Variants in CFAP251 observed in about 807,000 individuals in gnomAD.
CFAP251 encodes cilia- and flagella-associated protein 251.
In CFAP251, 93 loss-of-function variants were observed where a neutral mutation model predicts 126.7. That is an observed-to-expected ratio of 0.73 (90% CI 0.62 to 0.87). The LOEUF (loss-of-function observed/expected upper bound fraction) is 0.87. CFAP251 is among the 40% of genes least tolerant of loss of function. CFAP251 has a pLI of 0.00. For synonymous variants in CFAP251, 503 were observed against 506.9 expected, an observed-to-expected ratio of 0.99 and a Z score of 0.10; for missense variants, 1,287 against 1,389.2, an observed-to-expected ratio of 0.93 and a Z score of 1.17.
intron 6 of CFAP251, 95 bp from the exon 7 acceptor site, chr12:121,942,800 G>A (rs1881175510): frequency 7.1e-7 from 1 of 1,408,550 alleles, no homozygotes; most frequent in Non-Finnish European, 1.0e-6. Flanking sequence ...TCTGTCCTTA[G>A]TTACTTGAAG....
chr12:121,921,789 T>G, intron 2 of CFAP251, 106 bp downstream of exon 2: 1 of 1,002,204 alleles, frequency 1.0e-6, no homozygotes, highest in South Asian at 2.0e-5. Flanking sequence ...GTACAATCCA[T>G]TCCTTTTTTT....
chr12:121,961,947 C>A (rs1881952334), intron 14 of CFAP251, 31 bp from the exon 15 acceptor site: 1 of 1,603,224 alleles, frequency 6.2e-7, no homozygotes, highest in Admixed American at 1.7e-5. Flanking sequence ...TGGCTTGGTC[C>A]TCATGTGTGT....
intron 19 of CFAP251, among the ~76,000 whole-genome samples, chr12:121,983,741 A>T (rs1264399071): frequency 2.4e-5 from 3 of 124,246 alleles, no homozygotes; most frequent in Non-Finnish European, 4.7e-5. Flanking sequence ...TATCTACTTT[A>T]AAAAAAAAAA....
At chr12:121,998,986 C>T (rs908541297) in intron 19 of CFAP251, 2 of 149,184 alleles carry the variant, frequency 1.3e-5, no homozygotes, top group African/African-American at 5.0e-5. Context: ...GCATTTAGTC[C>T]TTCATCATTA....
intron 19 of CFAP251, among the ~76,000 whole-genome samples, chr12:121,985,224 A>C (rs557460030): frequency 6.6e-6 from 1 of 152,136 alleles, no homozygotes; most frequent in Non-Finnish European, 1.5e-5. Flanking sequence ...CTTTTGACTC[A>C]ACAAATGTAC....
chr12:121,955,197 G>A (rs11043269), intron 10 of CFAP251, among the ~76,000 whole-genome samples: 30,840 of 152,004 alleles, frequency 0.2, 6,688 homozygotes, highest in African/African-American at 0.54. Flanking sequence ...GGGAAGCTGA[G>A]GCATGAGAAT....
At chr12:121,959,948 AC>A (rs767975534) in intron 13 of CFAP251, among the ~76,000 whole-genome samples, 44 of 136,662 alleles carry the variant, frequency 3.2e-4, no homozygotes, top group African/African-American at 1.0e-3. Flanking sequence ...ACATGGTGAG[AC>A]ACCCCCCATC....
intron 1 of CFAP251, among the ~76,000 whole-genome samples, chr12:121,920,398 ATTT>A (rs35621554): frequency 2.1e-5 from 2 of 96,336 alleles, no homozygotes; most frequent in Admixed American, 1.1e-4. Context: ...GGCTTTTTGT[ATTT>A]TTTTTTTTTT....
In CFAP251 at chr12:121,959,030, A is replaced by G. The variant is rs764636078; in HGVS notation, c.2069A>G (p.Lys690Arg). ...GAAAATGAAAGCCCAGAGCCTTTCA[A>G]ATATTCCAGAACCAGTGTGACTCAT... Reference protein sequence around the residue: ...SLENESPEPFKYSRTSVTHIS... With the variant: ...SLENESPEPFRYSRTSVTHIS... The change falls in exon 13 of 22, where the codon AAA becomes AGA. Residue 690 changes from lysine to arginine, a missense_variant. Coordinates refer to ENST00000288912, the MANE Select transcript of CFAP251 (RefSeq NM_144668.6). 1 of 1,613,448 alleles carries G rather than the reference A, an allele frequency of 6.2e-7. No individual in the cohort carries two copies. The highest frequency in any genetic ancestry group is 8.5e-7 in the Non-Finnish European group (1 of 1,179,816).
chr12:121,923,552 G>A, intron 2 of CFAP251, 70 bp from the exon 3 acceptor site: 1 of 1,519,408 alleles, frequency 6.6e-7, no homozygotes, highest in Non-Finnish European at 8.8e-7. Flanking sequence ...GGCTGACTGG[G>A]AATAGAAAAG....
intron 4 of CFAP251, 148 bp from the exon 5 acceptor site, chr12:121,934,099 C>G: frequency 3.4e-6 from 2 of 589,432 alleles, no homozygotes; most frequent in Admixed American, 6.3e-5. Context: ...GGAGAAACAC[C>G]CAGGAAGGCC....
chr12:121,922,882 T>C (rs917883506), intron 2 of CFAP251, among the ~76,000 whole-genome samples: 1 of 152,068 alleles, frequency 6.6e-6, no homozygotes, highest in Non-Finnish European at 1.5e-5. Flanking sequence ...CTCCGCCTCC[T>C]GGGTTCATGC....
At chr12:121,946,702 A>T (rs1375227332) in intron 7 of CFAP251, among the ~76,000 whole-genome samples, 1 of 150,732 alleles carries the variant, frequency 6.6e-6, no homozygotes, top group Non-Finnish European at 1.5e-5. Context: ...GGCTCAAGTG[A>T]TTTTCCCACC....
At chr12:122,003,341 G>A (rs1456137878) in intron 21 of CFAP251, among the ~76,000 whole-genome samples, 1 of 152,196 alleles carries the variant, frequency 6.6e-6, no homozygotes. Flanking sequence ...GGAGTCTGAG[G>A]TGGGAGGATC....
rs1459415523 is a variant in CFAP251 at position 121,954,100 on chromosome 12, T to C, written c.1321-20T>C. The C allele has an allele frequency of 3.1e-6, 5 of 1,602,180 alleles. No homozygotes were observed. Among genetic ancestry groups the C allele is most frequent in the Non-Finnish European group, 3.4e-6 (4 of 1,170,184 alleles). ...TTATATTTATTACCAACAGTAACTA[T>C]AACCTTTCTTTTGAAACAGACCTTC... On this transcript the variant is annotated intron_variant, in intron 9 of 21. Coordinates refer to ENST00000288912, the MANE Select transcript of CFAP251 (RefSeq NM_144668.6).
At chr12:121,984,549 G>A (rs1248000913) in intron 19 of CFAP251, among the ~76,000 whole-genome samples, 3 of 152,082 alleles carry the variant, frequency 2.0e-5, no homozygotes, top group African/African-American at 4.8e-5. Context: ...CTCCTGATCC[G>A]CCTGCCTTGG....
chr12:121,979,516 G>A (rs1882562542), intron 19 of CFAP251, among the ~76,000 whole-genome samples: 1 of 148,880 alleles, frequency 6.7e-6, no homozygotes, highest in Admixed American at 6.7e-5. Flanking sequence ...TTGAAGAGAG[G>A]GAGGGGCTCA....
rs368506986 is a variant in CFAP251, at chr12:122,001,556, C to A, written c.3295C>A (p.Pro1099Thr). The A allele has an allele frequency of 2.9e-5, 46 of 1,613,970 alleles. No individual in the cohort carries two copies. In the African/African-American group the frequency reaches 5.9e-4, roughly 21 times the overall value. ...DCFASLFGLNPEGWKSEPATC... is the reference protein window; with the variant it reads ...DCFASLFGLNTEGWKSEPATC... ...CTTTGCTTCACTGTTTGGCCTGAAT[C>A]CCGAGGGATGGAAATCCGAGCCTGC... The change falls in exon 21 of 22, where the codon CCC (proline) becomes ACC (threonine). Residue 1099 changes from proline (P) to threonine (T), a missense_variant. Physicochemically the swap from Pro to Thr is conservative, Grantham distance 38 (BLOSUM62 -1). Coordinates refer to ENST00000288912, the MANE Select transcript of CFAP251 (RefSeq NM_144668.6).
chr12:121,990,953 A>G (rs1414252241), intron 19 of CFAP251, among the ~76,000 whole-genome samples: 1 of 152,220 alleles, frequency 6.6e-6, no homozygotes, highest in Non-Finnish European at 1.5e-5. Flanking sequence ...GACCCCAGTG[A>G]CTAAGATTGA....
Sources: gnomAD v4.1 joint callset for allele counts (sites outside exome capture counted in the v4.1 genomes callset) on GRCh38, gnomAD v4.1.1 for gene constraint, MANE v1.5 for transcripts, NCBI Gene and HGNC (gene_info 2026-07-23, HGNC 2026-07-21) for gene names.